Variants in KIAA1217 observed in about 807,000 individuals in gnomAD.
KIAA1217 encodes the protein sickle tail protein homolog.
Under a neutral mutation model 163.9 loss-of-function variants are expected in KIAA1217, and 88 were observed. The ratio of observed to expected loss-of-function variants is 0.54; its 90% CI spans 0.45 to 0.64. The LOEUF (loss-of-function observed/expected upper bound fraction) is 0.64, where lower values mean the gene tolerates loss of function less well. Ranked by LOEUF, KIAA1217 falls within the 30% of genes least tolerant of loss-of-function variation. The pLI is 0.00. For synonymous variants in KIAA1217, 903 were observed against 923.1 expected, an observed-to-expected ratio of 0.98 and a Z score of 0.39; for missense variants, 2,372 against 2,475.0, an observed-to-expected ratio of 0.96 and a Z score of 0.88.
At chr10:23,836,142 G>T (rs1269794870) in intron 1 of KIAA1217, among the ~76,000 whole-genome samples, 1 of 152,152 alleles carries the variant, frequency 6.6e-6, no homozygotes. Context: ...ATTTCTATTA[G>T]ATAAGTGATA....
rs747791742 is a variant in KIAA1217, at chr10:24,533,086, C to G, written c.3263C>G (p.Ala1088Gly). ...CTCCCACAGGCAAGCAGTGAAGATG[C>G]TGGACCAAGCCCACAGACCAGAGCT... ...NITAKASSED[A>G]GPSPQTRATK... Residue 1088 changes from alanine (A) to glycine (G), a missense_variant, in exon 16 of 21, where the codon GCT becomes GGT. Around this residue, in one of 3 missense-constraint regions of KIAA1217, gnomAD observed 1,431 missense variants for 1,470.3 expected, o/e 0.97. Coordinates refer to ENST00000376454, the MANE Select transcript of KIAA1217 (RefSeq NM_019590.5). 6.2e-7 allele frequency: 1 copy of G among 1,611,376 alleles called. No individual in the cohort carries two copies. The highest frequency in any genetic ancestry group is 8.5e-7 in the Non-Finnish European group (1 of 1,178,428).
At chr10:23,865,701 A>G (rs1263576331) in intron 1 of KIAA1217, among the ~76,000 whole-genome samples, 1 of 151,968 alleles carries the variant, frequency 6.6e-6, no homozygotes, top group Non-Finnish European at 1.5e-5. Flanking sequence ...GCTAGAATTT[A>G]TTTTTGTATT....
intron 1 of KIAA1217, among the ~76,000 whole-genome samples, chr10:23,789,409 A>C (rs1468926265): frequency 6.6e-6 from 1 of 152,184 alleles, no homozygotes; most frequent in African/African-American, 2.4e-5. Context: ...CGCAGGCTCT[A>C]GAATCAAATA....
chr10:23,988,596 A>T (rs1022034400), intron 1 of KIAA1217, among the ~76,000 whole-genome samples: 5 of 152,210 alleles, frequency 3.3e-5, no homozygotes, highest in Admixed American at 1.3e-4. Flanking sequence ...ATGCATACAA[A>T]CCATGTGAAG....
intron 1 of KIAA1217, among the ~76,000 whole-genome samples, chr10:23,965,647 G>C (rs750094949): frequency 1.3e-5 from 2 of 152,190 alleles, no homozygotes; most frequent in Non-Finnish European, 2.9e-5. Context: ...CAAGGATGCA[G>C]GAAGCAAAAT....
intron 6 of KIAA1217, among the ~76,000 whole-genome samples, chr10:24,486,742 G>A (rs1488968083): frequency 6.6e-6 from 1 of 152,178 alleles, no homozygotes; most frequent in Non-Finnish European, 1.5e-5. Context: ...AGCCCTGTCT[G>A]CTCACCCTGC....
intron 3 of KIAA1217, among the ~76,000 whole-genome samples, chr10:24,393,708 C>G (rs2055313507): frequency 6.6e-6 from 1 of 152,114 alleles, no homozygotes; most frequent in Admixed American, 6.5e-5. Flanking sequence ...ACAAGAAGAA[C>G]AGATTTGGAT....
chr10:24,164,458 G>A (rs1237800257), intron 2 of KIAA1217, among the ~76,000 whole-genome samples: 1 of 152,200 alleles, frequency 6.6e-6, no homozygotes, highest in East Asian at 1.9e-4. Flanking sequence ...TAGAGTGTAA[G>A]CTGTCTGAGA....
rs181073046 is a variant in KIAA1217 at position 24,466,577 on chromosome 10, C to G, written c.847-6651C>G. ...CGAAAACTGGGTAATACGAAATGGT[C>G]TTTATTGGTTGTGAACACTCGAGCT... On this transcript the variant is annotated intron_variant, in intron 5 of 20. Transcript: ENST00000376454. 261 of 985,188 alleles carry G rather than the reference C, an allele frequency of 2.6e-4. No homozygotes were observed. The African/African-American group carries it at 4.2e-3, about 16-fold the overall frequency. The allele number at this position is 985,188 out of a possible 1,614,324, so 61.0% of individuals were successfully genotyped here.
chr10:24,038,546 C>G (rs2131551562), intron 2 of KIAA1217, among the ~76,000 whole-genome samples: 1 of 152,204 alleles, frequency 6.6e-6, no homozygotes, highest in South Asian at 2.1e-4. Context: ...GTAGTCCCTA[C>G]AAAATGGAAG....
chr10:24,308,375 T>A (rs1000626146), intron 2 of KIAA1217, among the ~76,000 whole-genome samples: 1 of 152,176 alleles, frequency 6.6e-6, no homozygotes, highest in Non-Finnish European at 1.5e-5. Context: ...GGAATTTGGA[T>A]TGGAAAGAAA....
chr10:24,454,391 G>A (rs1041062952), intron 5 of KIAA1217, among the ~76,000 whole-genome samples: 2 of 152,076 alleles, frequency 1.3e-5, no homozygotes, highest in African/African-American at 4.8e-5. Context: ...TTCTTTTCTT[G>A]TGACATCAAA....
intron 1 of KIAA1217, among the ~76,000 whole-genome samples, chr10:23,767,793 A>T (rs542930390): frequency 2.0e-4 from 30 of 152,068 alleles, no homozygotes; most frequent in Non-Finnish European, 3.2e-4. Flanking sequence ...AGAAGGAAAA[A>T]CTCAAGTAAG....
At chr10:24,250,702 C>T (rs1257926904) in intron 2 of KIAA1217, among the ~76,000 whole-genome samples, 3 of 95,590 alleles carry the variant, frequency 3.1e-5, no homozygotes, top group Non-Finnish European at 4.1e-5. Context: ...CCCCGCCCCT[C>T]GGCCTCACAA....
At chr10:23,951,740 T>C (rs1269119606) in intron 1 of KIAA1217, among the ~76,000 whole-genome samples, 1 of 152,182 alleles carries the variant, frequency 6.6e-6, no homozygotes, top group Non-Finnish European at 1.5e-5. Context: ...ATACCAGAGT[T>C]TCCTTGTGCT....
rs371301786 is a variant in KIAA1217 at position 24,366,450 on chromosome 10, C to CTAAAAA, written c.355-14402_355-14397dup. Among the ~76,000 whole-genome samples, 445 of 152,072 alleles carry CTAAAAA rather than the reference C, an allele frequency of 2.9e-3. 1 individual carries two copies. Among genetic ancestry groups the CTAAAAA allele is most frequent in the African/African-American group, 0.01 (424 of 41,474 alleles). On this transcript the variant is annotated intron_variant, in intron 2 of 20. Transcript: ENST00000376454. ...ACAAAGTGAGATTCTGTGTCAAAAA[C>CTAAAAA]TAAAAATAAAAATAAAAATAAAGTC...
intron 5 of KIAA1217, among the ~76,000 whole-genome samples, chr10:24,455,508 G>T (rs1439653562): frequency 6.6e-6 from 1 of 152,184 alleles, no homozygotes; most frequent in African/African-American, 2.4e-5. Context: ...CCAGTTCCCT[G>T]TTTTTGATAT....
At chr10:23,855,025 A>G (rs1026028285) in intron 1 of KIAA1217, among the ~76,000 whole-genome samples, 11 of 152,054 alleles carry the variant, frequency 7.2e-5, no homozygotes, top group Non-Finnish European at 1.5e-4. Context: ...TTTAAAGTTA[A>G]TATTGTTATG....
intron 2 of KIAA1217, among the ~76,000 whole-genome samples, chr10:24,063,269 T>A (rs1357623557): frequency 6.6e-6 from 1 of 152,240 alleles, no homozygotes; most frequent in Non-Finnish European, 1.5e-5. Flanking sequence ...TTTTATGGTT[T>A]TAGGTCTAAC....
Sources: allele counts gnomAD v4.1 joint callset (sites outside exome capture counted in the v4.1 genomes callset), GRCh38; gene constraint gnomAD v4.1.1; regional missense constraint gnomAD v4.1.1; transcripts MANE v1.5; gene names NCBI Gene and HGNC (gene_info 2026-07-23, HGNC 2026-07-21).